The following RPRD1B variants were observed in gnomAD, a reference collection of about 807,000 sequenced individuals.
RPRD1B encodes the protein regulation of nuclear pre-mRNA domain containing 1B.
A neutral mutation model predicts 41.5 loss-of-function variants in RPRD1B; 11 were observed. That is an observed-to-expected ratio of 0.27 (90% CI 0.17 to 0.44). RPRD1B has a LOEUF of 0.44. Among genes scored for constraint, RPRD1B ranks in the 20% least tolerant of loss-of-function variants. The probability of loss-of-function intolerance (pLI) is 1.00; values close to 1 mark genes in which losing one functional copy is unlikely to be tolerated. For missense variants in RPRD1B, 248 were observed against 389.9 expected (o/e 0.64, Z 3.06); for synonymous variants, 158 against 155.6 (o/e 1.02, Z -0.12).
At chr20:38,074,455 A>G (rs890502218) in intron 6 of RPRD1B, among the ~76,000 whole-genome samples, 3 of 152,216 alleles carry the variant, frequency 2.0e-5, no homozygotes, top group African/African-American at 2.4e-5. Flanking sequence ...TGATTTGCCA[A>G]CATTTGAGAC....
At chr20:38,034,366 C>T (rs2073970775) in intron 1 of RPRD1B, among the ~76,000 whole-genome samples, 1 of 152,230 alleles carries the variant, frequency 6.6e-6, no homozygotes, top group Admixed American at 6.5e-5. Flanking sequence ...TTCCCCCTGA[C>T]ATTTGTGGCT....
intron 4 of RPRD1B, 108 bp downstream of exon 4, chr20:38,057,752 G>T: frequency 2.6e-6 from 2 of 761,720 alleles, no homozygotes; most frequent in Non-Finnish European, 4.4e-6. Flanking sequence ...AATCATCAGA[G>T]GGCACCTCTC....
At chr20:38,082,624 TG>T (rs2074524153) in intron 6 of RPRD1B, among the ~76,000 whole-genome samples, 1 of 152,178 alleles carries the variant, frequency 6.6e-6, no homozygotes, top group Admixed American at 6.5e-5. Context: ...CCTGACCTCG[TG>T]ATCCGCCTGC....
At chr20:38,081,193 C>T (rs572449169) in intron 6 of RPRD1B, among the ~76,000 whole-genome samples, 1 of 152,290 alleles carries the variant, frequency 6.6e-6, no homozygotes, top group Non-Finnish European at 1.5e-5. Flanking sequence ...TTTTCCTATC[C>T]ATGAGCATAG....
At chr20:38,076,461 G>A (rs1600433712) in intron 6 of RPRD1B, among the ~76,000 whole-genome samples, 2 of 152,330 alleles carry the variant, frequency 1.3e-5, no homozygotes, top group Admixed American at 6.5e-5. Context: ...AAGGTCCTCA[G>A]CATGTAGCAT....
rs2074616851 is a variant in RPRD1B at position 38,092,176 on chromosome 20, A to G, written c.*2301A>G. ...TCAAAGGACCTTTCCTTTAGGTCAT[A>G]TTCCTCAGAAAGTCTTCAATCTTCC... On this transcript the variant is annotated 3_prime_UTR_variant, in exon 7 of 7. Transcript: ENST00000373433. 1 of 985,664 alleles carries G rather than the reference A, an allele frequency of 1.0e-6. No individual in the cohort carries two copies. The highest frequency in any genetic ancestry group is 1.2e-6 in the Non-Finnish European group (1 of 829,926). The allele number at this position is 985,664 out of a possible 1,614,324, so 61.1% of individuals were successfully genotyped here.
At chr20:38,042,126 T>C (rs1016428038) in intron 2 of RPRD1B, among the ~76,000 whole-genome samples, 5 of 152,158 alleles carry the variant, frequency 3.3e-5, no homozygotes, top group African/African-American at 1.2e-4. Context: ...GTAGGGATAG[T>C]AAACATAACA....
intron 1 of RPRD1B, among the ~76,000 whole-genome samples, chr20:38,037,428 A>G (rs377351361): frequency 6.6e-6 from 1 of 152,228 alleles, no homozygotes; most frequent in African/African-American, 2.4e-5. Flanking sequence ...GTTTTGATTA[A>G]CCAGTTGTTT....
chr20:38,069,867 G>T (rs1008095695), intron 6 of RPRD1B, among the ~76,000 whole-genome samples: 1 of 152,220 alleles, frequency 6.6e-6, no homozygotes, highest in African/African-American at 2.4e-5. Context: ...TTCTGAAACT[G>T]TAATGCCTTC....
intron 5 of RPRD1B, among the ~76,000 whole-genome samples, chr20:38,060,031 C>T (rs985976987): frequency 6.6e-6 from 1 of 152,188 alleles, no homozygotes; most frequent in Non-Finnish European, 1.5e-5. Flanking sequence ...GGGCAGTTGA[C>T]ACGATTCCTG....
In RPRD1B at chr20:38,092,208, T is replaced by G; in HGVS notation, c.*2333T>G. ...AGAAAGTCTTCAATCTTCCCTTGTTTTTGTTTGTTTGTTTTTCTTAAAGAA... is the reference window on the plus strand; with the variant it reads ...AGAAAGTCTTCAATCTTCCCTTGTTGTTGTTTGTTTGTTTTTCTTAAAGAA... On this transcript the variant is annotated 3_prime_UTR_variant, in exon 7 of 7. Coordinates refer to ENST00000373433, the MANE Select transcript of RPRD1B (RefSeq NM_021215.4). The G allele has an allele frequency of 2.0e-6, 2 of 985,506 alleles. No individual in the cohort carries two copies. The highest frequency in any genetic ancestry group is 2.4e-6 in the Non-Finnish European group (2 of 829,640). 61.0% of individuals were successfully genotyped at this position (985,506 alleles called of 1,614,324 possible). A position where few individuals can be genotyped will look rare whatever the true frequency, so the allele number is the denominator to read the frequency against.
chr20:38,059,155 A>G (rs2074272099), intron 4 of RPRD1B, among the ~76,000 whole-genome samples: 1 of 152,232 alleles, frequency 6.6e-6, no homozygotes, highest in Non-Finnish European at 1.5e-5. Context: ...AAAAAATAAT[A>G]ATAATTATTC....
intron 5 of RPRD1B, among the ~76,000 whole-genome samples, chr20:38,062,575 G>A (rs936674387): frequency 6.6e-6 from 1 of 151,986 alleles, no homozygotes; most frequent in Non-Finnish European, 1.5e-5. Context: ...CCTGTTGATT[G>A]GGACCAAAAC....
chr20:38,077,300 G>A (rs372489567), intron 6 of RPRD1B, among the ~76,000 whole-genome samples: 7 of 152,032 alleles, frequency 4.6e-5, no homozygotes, highest in East Asian at 1.9e-4. Context: ...AGATCTCTAG[G>A]TCAGACCTCT....
At chr20:38,077,375 A>G (rs6091779) in intron 6 of RPRD1B, among the ~76,000 whole-genome samples, 31,919 of 151,952 alleles carry the variant, frequency 0.21, 3,767 homozygotes, top group African/African-American at 0.33. Flanking sequence ...GCTGCGACAG[A>G]CTGTCTCCTT....
At chr20:38,039,926 G>A (rs2074048050) in intron 1 of RPRD1B, among the ~76,000 whole-genome samples, 1 of 151,446 alleles carries the variant, frequency 6.6e-6, no homozygotes, top group African/African-American at 2.4e-5. Flanking sequence ...TAGAGGTAGG[G>A]TTTCACCATG....
At chr20:38,060,909 C>T (rs1223782576) in intron 5 of RPRD1B, among the ~76,000 whole-genome samples, 2 of 151,940 alleles carry the variant, frequency 1.3e-5, no homozygotes, top group African/African-American at 4.8e-5. Flanking sequence ...TCAGTGTAGT[C>T]TCCTGGCAAA....
At chr20:38,035,018 TA>T (rs1278276917) in intron 1 of RPRD1B, among the ~76,000 whole-genome samples, 1 of 152,120 alleles carries the variant, frequency 6.6e-6, no homozygotes, top group Admixed American at 6.5e-5. Context: ...ACATTGCCAT[TA>T]AAAAAAATTC....
At chr20:38,088,938 G>GACCC (rs1461827317) in intron 6 of RPRD1B, among the ~76,000 whole-genome samples, 4 of 152,108 alleles carry the variant, frequency 2.6e-5, no homozygotes, top group Non-Finnish European at 5.9e-5. Context: ...AGAAGAGAGA[G>GACCC]ACCCCCTCCA....
Sources: allele counts gnomAD v4.1 joint callset (sites outside exome capture counted in the v4.1 genomes callset), GRCh38; gene constraint gnomAD v4.1.1; transcripts MANE v1.5; gene names NCBI Gene and HGNC (gene_info 2026-07-23, HGNC 2026-07-21).